The following COL9A3 variants were observed in gnomAD, a reference collection of about 807,000 sequenced individuals.
COL9A3 encodes the protein collagen alpha-3(IX) chain.
COL9A3 carries 82 observed loss-of-function variants against 110.2 expected under a neutral mutation model. That is an observed-to-expected ratio of 0.74 (90% CI 0.62 to 0.89). The LOEUF (loss-of-function observed/expected upper bound fraction) is 0.89, where lower values mean the gene tolerates loss of function less well. COL9A3 is among the 40% of genes least tolerant of loss of function. COL9A3 has a pLI of 0.00. For missense variants in COL9A3, 1,066 were observed against 981.3 expected (o/e 1.09, Z -1.15); for synonymous variants, 494 against 403.8 (o/e 1.22, Z -2.68).
intron 26 of COL9A3, 128 bp from the exon 27 acceptor site, chr20:62,835,793 A>C: frequency 1.1e-6 from 1 of 924,528 alleles, no homozygotes; most frequent in African/African-American, 1.6e-5. Flanking sequence ...GGAAGGAACC[A>C]CTGTCAATAT....
chr20:62,824,485 G>T lies in COL9A3; in HGVS notation c.560G>T (p.Gly187Val). The T allele has an allele frequency of 6.3e-7, 1 of 1,598,776 alleles. No homozygotes were observed. The highest frequency in any genetic ancestry group is 8.5e-7 in the Non-Finnish European group (1 of 1,173,410). Residue 187 changes from glycine to valine, a missense_variant, in exon 11 of 32, where the codon GGA (glycine) becomes GTA (valine). By Grantham distance (109) the Gly-to-Val change is moderately radical. Transcript: ENST00000649368. ...ICPPGPPGPP[G>V]MPGFKGPTGY... ...CCGCCAGGTCCCCCAGGGCCCCCTG[G>T]AATGCCAGGGTTCAAGGTGAGTCAC...
chr20:62,819,310 C>G lies in COL9A3; in HGVS notation c.255+17C>G. 6.3e-7 allele frequency: 1 copy of G among 1,598,384 alleles called. No homozygotes were observed. Among genetic ancestry groups the G allele is most frequent in the South Asian group, 1.1e-5 (1 of 89,640 alleles). On this transcript the variant is annotated intron_variant, in intron 4 of 31. Coordinates refer to ENST00000649368, the MANE Select transcript of COL9A3 (RefSeq NM_001853.4). ...GGTGTGGATGTGAGTGCGCCTGCCC[C>G]TCCCCGCCATGCCCCACTCCCCGCT...
At position 62,836,343 on chromosome 20, in the gene COL9A3, T is replaced by G. The variant is rs1436021589; in HGVS notation, c.1548+10T>G. ...GAAGCCGGGAGTTCCGGTACGTCGC[T>G]TTTCCGGCTTTTCCAGCTTTCACAG... On this transcript the variant is annotated intron_variant, in intron 28 of 31. Coordinates refer to ENST00000649368, the MANE Select transcript of COL9A3 (RefSeq NM_001853.4). 1.2e-6 allele frequency: 2 copies of G among 1,613,636 alleles called. No individual in the cohort carries two copies. Among genetic ancestry groups the G allele is most frequent in the African/African-American group, 2.7e-5 (2 of 74,948 alleles).
At chr20:62,834,804 G>A (rs1003780475) in intron 26 of COL9A3, among the ~76,000 whole-genome samples, 11 of 152,180 alleles carry the variant, frequency 7.2e-5, no homozygotes, top group African/African-American at 2.4e-4. Flanking sequence ...CATCACACCC[G>A]GCTAATTTTT....
In COL9A3 at chr20:62,828,682, A is replaced by AG. The variant is rs2063572347; in HGVS notation, c.901-80dup. On this transcript the variant is annotated intron_variant, in intron 17 of 31. Transcript: ENST00000649368. The stretch of plus-strand genomic sequence containing the variant: ...AGACACAGTTTTAGGTTGATGGGGA[A>AG]GGAGGCTGCCCCCAGGGCAGGACTG... 13 of 1,478,666 alleles carry AG rather than the reference A, an allele frequency of 8.8e-6. No individual in the cohort carries two copies. The South Asian group carries it at 1.4e-4, about 16-fold the overall frequency. 91.6% of individuals were successfully genotyped at this position (1,478,666 alleles called of 1,614,324 possible).
At chr20:62,821,883 G>A (rs1386124724) in intron 8 of COL9A3, 73 bp downstream of exon 8, 5 of 874,090 alleles carry the variant, frequency 5.7e-6, no homozygotes, top group East Asian at 5.1e-5. Context: ...ACAGCCAGGG[G>A]CTCCCTTCCC....
intron 14 of COL9A3, 148 bp from the exon 15 acceptor site, chr20:62,826,619 G>A (rs1383980267): frequency 2.4e-6 from 2 of 816,750 alleles, no homozygotes; most frequent in African/African-American, 3.4e-5. Flanking sequence ...GCAGGGATTT[G>A]GAGACTACTA....
At chr20:62,834,213 T>C (rs1169506288) in intron 26 of COL9A3, among the ~76,000 whole-genome samples, 1 of 151,588 alleles carries the variant, frequency 6.6e-6, no homozygotes, top group Non-Finnish European at 1.5e-5. Flanking sequence ...TTTCACCATG[T>C]CGGCCAGGCT....
At chr20:62,830,059 C>A (rs1330303050) in intron 22 of COL9A3, among the ~76,000 whole-genome samples, 1 of 152,152 alleles carries the variant, frequency 6.6e-6, no homozygotes, top group Non-Finnish European at 1.5e-5. Flanking sequence ...GCCTTGTGCC[C>A]CCATAGACTG....
chr20:62,822,178 A>G lies in COL9A3; in HGVS notation c.477+14A>G. On this transcript the variant is annotated intron_variant, in intron 9 of 31. Coordinates refer to ENST00000649368, the MANE Select transcript of COL9A3 (RefSeq NM_001853.4). ...CCCGGACCCCCTGTAAGTACTGGGC[A>G]GAGGCTCTAAGAAGTGCTGGGCATG... 6.6e-7 allele frequency: 1 copy of G among 1,517,856 alleles called. No individual in the cohort carries two copies. Among genetic ancestry groups the G allele is most frequent in the Non-Finnish European group, 9.1e-7 (1 of 1,092,966 alleles). The allele number at this position is 1,517,856 out of a possible 1,614,324, so 94.0% of individuals were successfully genotyped here.
At chr20:62,825,655 C>T (rs2063546445) in intron 12 of COL9A3, 162 bp from the exon 13 acceptor site, 2 of 756,242 alleles carry the variant, frequency 2.6e-6, no homozygotes, top group Non-Finnish European at 4.6e-6. Context: ...CGGGACTGCT[C>T]TGGAACTGTG....
At position 62,817,138 on chromosome 20, in the gene COL9A3, C is replaced by A. The variant is rs1263866419; in HGVS notation, c.74C>A (p.Ala25Glu). The A allele has an allele frequency of 7.2e-7, 1 of 1,393,876 alleles. No homozygotes were observed. The highest frequency in any genetic ancestry group is 2.6e-5 in the Admixed American group (1 of 38,552). 86.3% of individuals were successfully genotyped at this position (1,393,876 alleles called of 1,614,324 possible). ...LLGELLAAAGAQRVGLPGPPG... is the reference protein window; with the variant it reads ...LLGELLAAAGEQRVGLPGPPG... ...GGGGAGCTTCTGGCGGCCGCCGGGG[C>A]GCAGGTGAGCGCGAGCTCCGGGCTC... Residue 25 changes from alanine to glutamate, a missense_variant, in exon 1 of 32, where the codon GCG becomes GAG. Physicochemically the swap from Ala to Glu is moderately radical, Grantham distance 107. Transcript: ENST00000649368.
chr20:62,817,809 C>A, intron 2 of COL9A3, 174 bp downstream of exon 2: 1 of 662,710 alleles, frequency 1.5e-6, no homozygotes, highest in East Asian at 2.8e-5. Context: ...GCGGGGACTG[C>A]TGGTGGGTAG....
At chr20:62,829,408 G>A in intron 19 of COL9A3, 47 bp from the exon 20 acceptor site, 1 of 1,611,604 alleles carries the variant, frequency 6.2e-7, no homozygotes, top group South Asian at 1.1e-5. Context: ...GCTGCTGCCG[G>A]CGTGCAATGT....
intron 15 of COL9A3, 82 bp downstream of exon 15, chr20:62,826,902 C>T (rs1161132494): frequency 1.8e-5 from 27 of 1,478,726 alleles, no homozygotes; most frequent in Non-Finnish European, 2.5e-5. Context: ...CGCCCCCAGC[C>T]CCACTGGGGC....
At position 62,821,273 on chromosome 20, in the gene COL9A3, T is replaced by C. The variant is rs966491949; in HGVS notation, c.345+57T>C. 5 of 1,557,660 alleles carry C rather than the reference T, an allele frequency of 3.2e-6. No individual in the cohort carries two copies. In the African/African-American group the frequency reaches 6.8e-5, roughly 21 times the overall value. On this transcript the variant is annotated intron_variant, in intron 6 of 31. Coordinates refer to ENST00000649368, the MANE Select transcript of COL9A3 (RefSeq NM_001853.4). Reference sequence around the variant, plus strand: ...TGGGAGTTTGGGGAGCTGGAGAGTCTGGTCTAAATGGGGTGGCCTCCAGGA... The same window carrying C: ...TGGGAGTTTGGGGAGCTGGAGAGTCCGGTCTAAATGGGGTGGCCTCCAGGA...
intron 17 of COL9A3, 143 bp from the exon 18 acceptor site, chr20:62,828,621 G>T: frequency 1.0e-6 from 1 of 961,098 alleles, no homozygotes; most frequent in Non-Finnish European, 1.6e-6. Context: ...CGGCCACCTT[G>T]GTCATGAAAC....
At position 62,827,255 on chromosome 20, in the gene COL9A3, G is replaced by A. The variant is rs1428495590; in HGVS notation, c.807G>A (p.Glu269=). The change falls in exon 16 of 32, where the codon GAG becomes GAA. Residue 269 remains glutamate (E), a synonymous_variant. Transcript: ENST00000649368. The part of the protein sequence containing the change: ...GAPGKAGDRG[E]RGPEGFRGPK... ...ATCCTTTCCAGGGTGACCGAGGCGA[G>A]AGGGGCCCAGAAGGGTTCCGCGGCC... The A allele has an allele frequency of 1.2e-6, 2 of 1,613,200 alleles. No homozygotes were observed. The highest frequency in any genetic ancestry group is 2.2e-5 in the East Asian group (1 of 44,892).
intron 31 of COL9A3, among the ~76,000 whole-genome samples, chr20:62,839,660 TC>T: frequency 7.6e-6 from 1 of 132,130 alleles, no homozygotes; most frequent in Admixed American, 7.7e-5. Context: ...AGCCCTCTCC[TC>T]TCCTCCACCC....
Sources: allele counts gnomAD v4.1 joint callset (sites outside exome capture counted in the v4.1 genomes callset), GRCh38; gene constraint gnomAD v4.1.1; transcripts MANE v1.5; gene names NCBI Gene and HGNC (gene_info 2026-07-23, HGNC 2026-07-21).